The following PPM1D variants were observed in gnomAD, a reference collection of about 807,000 sequenced individuals.
PPM1D encodes protein phosphatase, Mg2+/Mn2+ dependent 1D, also known as protein phosphatase 1D.
A neutral mutation model predicts 58.3 loss-of-function variants in PPM1D; 52 were observed. The ratio of observed to expected loss-of-function variants is 0.89; its 90% CI spans 0.71 to 1.12. The LOEUF is 1.12. PPM1D is among the 50% of genes most tolerant of loss of function. The probability of loss-of-function intolerance (pLI) is 0.00; values close to 1 mark genes in which losing one functional copy is unlikely to be tolerated. For synonymous variants in PPM1D, 278 were observed against 285.1 expected (o/e 0.98, Z 0.25); for missense variants, 564 against 777.2 (o/e 0.73, Z 3.26).
chr17:60,620,249 G>A (rs560260286), intron 1 of PPM1D, among the ~76,000 whole-genome samples: 13 of 152,106 alleles, frequency 8.5e-5, no homozygotes, highest in African/African-American at 1.4e-4. Flanking sequence ...CACCCACTTC[G>A]GCCTCCCAGA....
At chr17:60,657,734 TTC>T (rs2031465009) in intron 5 of PPM1D, among the ~76,000 whole-genome samples, 1 of 152,110 alleles carries the variant, frequency 6.6e-6, no homozygotes. Context: ...ATGTTTTCAT[TTC>T]TTTTTCTTTT....
Position 60,600,227 on chromosome 17 carries a change from C to T in PPM1D, c.-188C>T. ...GCGCAACTGCCTGGCTCTGCTCGCT[C>T]CGGCGCTCCGGCCCAGCTCTCGCGG... is the stretch of plus-strand genomic sequence containing the variant. On this transcript the variant is annotated 5_prime_UTR_variant, in exon 1 of 6. Transcript: ENST00000305921. The T allele has an allele frequency of 1.7e-6, 2 of 1,205,670 alleles. No individual in the cohort carries two copies. Among genetic ancestry groups the T allele is most frequent in the Non-Finnish European group, 2.2e-6 (2 of 896,766 alleles). The allele number at this position is 1,205,670 out of a possible 1,614,324, so 74.7% of individuals were successfully genotyped here.
At chr17:60,654,336 A>C (rs2031395837) in intron 4 of PPM1D, among the ~76,000 whole-genome samples, 1 of 139,418 alleles carries the variant, frequency 7.2e-6, no homozygotes, top group Non-Finnish European at 1.6e-5. Flanking sequence ...CAGTGGTGCG[A>C]TCCCGGCTCA....
intron 1 of PPM1D, among the ~76,000 whole-genome samples, chr17:60,615,820 C>A (rs1047882580): frequency 1.3e-5 from 2 of 151,436 alleles, no homozygotes. Context: ...CCTGCACCTC[C>A]CTCCCCCTTT....
At chr17:60,622,001 C>G in intron 1 of PPM1D, among the ~76,000 whole-genome samples, 1 of 150,684 alleles carries the variant, frequency 6.6e-6, no homozygotes, top group Admixed American at 6.6e-5. Context: ...TCCTGGCTAA[C>G]ACAGTGAAAC....
At chr17:60,612,174 C>G (rs1032779352) in intron 1 of PPM1D, among the ~76,000 whole-genome samples, 6 of 152,182 alleles carry the variant, frequency 3.9e-5, no homozygotes, top group Non-Finnish European at 8.8e-5. Context: ...AAACATCTAT[C>G]ACGCCCAAAA....
At position 60,600,897 on chromosome 17, in the gene PPM1D, TG is replaced by T. The variant is rs1361533879; in HGVS notation, c.472+13del. 6.2e-7 allele frequency: 1 copy of T among 1,612,918 alleles called. No homozygotes were observed. The highest frequency in any genetic ancestry group is 1.7e-5 in the Admixed American group (1 of 59,984). On this transcript the variant is annotated intron_variant, in intron 1 of 5. Coordinates refer to ENST00000305921, the MANE Select transcript of PPM1D (RefSeq NM_003620.4). ...TGTGGAAGAAACTGGGTAAGTTCCCTGGCTTGTTTGGCGCCCGCCCCTTTTT... is the reference window on the plus strand; with the variant it reads ...TGTGGAAGAAACTGGGTAAGTTCCCTGCTTGTTTGGCGCCCGCCCCTTTTT...
At chr17:60,623,943 T>C (rs563621649) in intron 2 of PPM1D, among the ~76,000 whole-genome samples, 194 bp downstream of exon 2, 3 of 152,350 alleles carry the variant, frequency 2.0e-5, no homozygotes, top group African/African-American at 7.2e-5. Flanking sequence ...GACTTTTATT[T>C]CTGATAATGA....
At chr17:60,628,592 T>C (rs2030857737) in intron 2 of PPM1D, among the ~76,000 whole-genome samples, 1 of 152,210 alleles carries the variant, frequency 6.6e-6, no homozygotes, top group Non-Finnish European at 1.5e-5. Flanking sequence ...GTCATATAGT[T>C]GGAACCATAT....
At chr17:60,657,220 T>A in intron 5 of PPM1D, 1 of 586,796 alleles carries the variant, frequency 1.7e-6, no homozygotes, top group Non-Finnish European at 2.1e-6. Context: ...GATTAAACTG[T>A]CTAAACAAGG....
At chr17:60,646,821 AAG>A (rs1227179724) in intron 3 of PPM1D, among the ~76,000 whole-genome samples, 1 of 152,206 alleles carries the variant, frequency 6.6e-6, no homozygotes, top group African/African-American at 2.4e-5. Flanking sequence ...GGATAAATGT[AAG>A]AGCTTTCTTT....
At chr17:60,620,721 G>T (rs2030682892) in intron 1 of PPM1D, among the ~76,000 whole-genome samples, 1 of 151,892 alleles carries the variant, frequency 6.6e-6, no homozygotes, top group Non-Finnish European at 1.5e-5. Context: ...TGTTGGTCAG[G>T]CTGGTCTAGA....
At chr17:60,615,641 C>T (rs148201773) in intron 1 of PPM1D, among the ~76,000 whole-genome samples, 83 of 149,584 alleles carry the variant, frequency 5.5e-4, no homozygotes, top group African/African-American at 1.9e-3. Context: ...ACTAAAGTTC[C>T]TTTGGAAAAG....
rs2031601520 is a variant in PPM1D at position 60,665,486 on chromosome 17, G to A, written c.*1934G>A. ...GCCTCCCAAAGTGCTGGGATTACAGGTGTGAGCCACCGTGCCCAGCCAACT... is the reference window on the plus strand; with the variant it reads ...GCCTCCCAAAGTGCTGGGATTACAGATGTGAGCCACCGTGCCCAGCCAACT... On this transcript the variant is annotated 3_prime_UTR_variant, in exon 6 of 6. Coordinates refer to ENST00000305921, the MANE Select transcript of PPM1D (RefSeq NM_003620.4). The A allele has an allele frequency of 1.3e-5, 2 of 152,164 alleles. No homozygotes were observed. The highest frequency in any genetic ancestry group is 2.4e-5 in the African/African-American group (1 of 41,422). The allele number at this position is 152,164 out of a possible 1,614,324, so 9.4% of individuals were successfully genotyped here.
intron 3 of PPM1D, among the ~76,000 whole-genome samples, chr17:60,638,025 G>A (rs2031058697): frequency 6.6e-6 from 1 of 152,184 alleles, no homozygotes; most frequent in African/African-American, 2.4e-5. Flanking sequence ...GTAGCTTTTG[G>A]TGGAATAGCA....
intron 3 of PPM1D, among the ~76,000 whole-genome samples, chr17:60,642,911 C>T (rs776680007): frequency 3.3e-5 from 5 of 151,590 alleles, no homozygotes; most frequent in Non-Finnish European, 5.9e-5. Flanking sequence ...ACTAAAAATA[C>T]AAAAACTTAG....
At chr17:60,657,719 A>G (rs2031464821) in intron 5 of PPM1D, among the ~76,000 whole-genome samples, 2 of 152,084 alleles carry the variant, frequency 1.3e-5, no homozygotes, top group South Asian at 2.1e-4. Flanking sequence ...GCCAGATACA[A>G]TGGAATGTTT....
intron 3 of PPM1D, 43 bp downstream of exon 3, chr17:60,634,020 C>T (rs1361992917): frequency 1.3e-6 from 2 of 1,599,004 alleles, no homozygotes; most frequent in Admixed American, 1.7e-5. Context: ...GAATTTTCTA[C>T]AATATATGGT....
intron 1 of PPM1D, among the ~76,000 whole-genome samples, chr17:60,614,060 G>A (rs942333555): frequency 3.2e-5 from 4 of 123,890 alleles, no homozygotes; most frequent in South Asian, 2.9e-4. Flanking sequence ...CTCCACCTGC[G>A]GCCCCGGTGC....
Sources: gnomAD v4.1 joint callset for allele counts (sites outside exome capture counted in the v4.1 genomes callset) on GRCh38, gnomAD v4.1.1 for gene constraint, MANE v1.5 for transcripts, NCBI Gene and HGNC (gene_info 2026-07-23, HGNC 2026-07-21) for gene names.